Variants in ARAP1 observed in about 807,000 individuals in gnomAD.
The protein encoded by ARAP1 is arf-GAP with Rho-GAP domain, ANK repeat and PH domain-containing protein 1.
In ARAP1, 76 loss-of-function variants were observed where a neutral mutation model predicts 172.2. The observed-to-expected ratio is 0.44, with a 90% CI of 0.37 to 0.53. ARAP1 has a LOEUF of 0.53. ARAP1 is among the 20% of genes least tolerant of loss of function. The probability of loss-of-function intolerance (pLI) is 0.00; values close to 1 mark genes in which losing one functional copy is unlikely to be tolerated. For synonymous variants in ARAP1, 804 were observed against 803.3 expected (o/e 1.00, Z -0.01); for missense variants, 1,686 against 1,977.5 (o/e 0.85, Z 2.80).
At chr11:72,748,381 A>G (rs1035567576) in intron 1 of ARAP1, among the ~76,000 whole-genome samples, 5 of 151,964 alleles carry the variant, frequency 3.3e-5, no homozygotes, top group Non-Finnish European at 7.4e-5. Context: ...TTAGCTGGGT[A>G]TGGTGGCGCG....
chr11:72,702,482 C>A (rs1411524160), intron 15 of ARAP1, among the ~76,000 whole-genome samples: 1 of 152,206 alleles, frequency 6.6e-6, no homozygotes, highest in Non-Finnish European at 1.5e-5. Flanking sequence ...TCCACCCAAG[C>A]AGGGCAGTAG....
chr11:72,696,849 A>T, intron 22 of ARAP1, 134 bp downstream of exon 22: 1 of 1,052,970 alleles, frequency 9.5e-7, no homozygotes, highest in Non-Finnish European at 1.3e-6. Context: ...CGGCGATGGG[A>T]ATGAGAAGCA....
Position 72,687,451 on chromosome 11 carries a change from A to T in ARAP1, c.4173T>A (p.Phe1391Leu), listed in dbSNP as rs1029186021. Residue 1391 changes from phenylalanine to leucine, a missense_variant, in exon 33 of 35, where the codon TTT becomes TTA. Physicochemically the swap from Phe to Leu is conservative, Grantham distance 22. Transcript: ENST00000393609. ...QMELREWFAT[F>L]LFVQHDGLVW... ...CTGCACCTGGTACCTGCACAAACAGAAAGGTAGCGAACCACTCCCGGAGCT... is the reference window on the plus strand; with the variant it reads ...CTGCACCTGGTACCTGCACAAACAGTAAGGTAGCGAACCACTCCCGGAGCT... 6.2e-6 allele frequency: 10 copies of T among 1,614,056 alleles called. No individual in the cohort carries two copies. The African/African-American group carries it at 9.3e-5, about 15-fold the overall frequency.
chr11:72,740,026 G>T (rs1858154046), intron 1 of ARAP1, among the ~76,000 whole-genome samples: 1 of 152,218 alleles, frequency 6.6e-6, no homozygotes, highest in African/African-American at 2.4e-5. Flanking sequence ...AGGGGGAGAA[G>T]AGCTGTCTCC....
At chr11:72,737,543 C>T (rs1858069447) in intron 1 of ARAP1, among the ~76,000 whole-genome samples, 1 of 152,176 alleles carries the variant, frequency 6.6e-6, no homozygotes, top group South Asian at 2.1e-4. Flanking sequence ...CAGGCACCCT[C>T]CAGCTTCCTT....
intron 34 of ARAP1, 163 bp downstream of exon 34, chr11:72,685,879 G>C: frequency 7.1e-7 from 1 of 1,403,990 alleles, no homozygotes; most frequent in East Asian, 2.3e-5. Flanking sequence ...TCCTTTGAAT[G>C]GTGTGAACCA....
chr11:72,722,260 G>C, intron 3 of ARAP1: 7 of 985,596 alleles, frequency 7.1e-6, no homozygotes, highest in Non-Finnish European at 8.4e-6. Flanking sequence ...TCTGCACCCA[G>C]CTCTGGTCTC....
At position 72,733,760 on chromosome 11, in the gene ARAP1, A is replaced by G. The variant is rs566940160; in HGVS notation, c.-127-1163T>C. Among the ~76,000 whole-genome samples, 7 of 152,252 alleles carry G rather than the reference A, an allele frequency of 4.6e-5. No homozygotes were observed. In the South Asian group the frequency reaches 8.3e-4, roughly 18 times the overall value. Reference sequence around the variant, plus strand: ...ACATAAACAGGTATTTATCTTAAGCAAACTCCATGATTATCACTGCCTAGG... The same window carrying G: ...ACATAAACAGGTATTTATCTTAAGCGAACTCCATGATTATCACTGCCTAGG... On this transcript the variant is annotated intron_variant, in intron 1 of 34. Transcript: ENST00000393609.
intron 2 of ARAP1, among the ~76,000 whole-genome samples, chr11:72,731,703 C>T (rs1267139150): frequency 3.3e-5 from 5 of 152,234 alleles, no homozygotes; most frequent in African/African-American, 1.2e-4. Flanking sequence ...CACATGCACA[C>T]ACTGTTCAGG....
intron 3 of ARAP1, chr11:72,722,216 ACT>A: frequency 1.0e-6 from 1 of 984,338 alleles, no homozygotes; most frequent in South Asian, 4.7e-5. Context: ...AGTGTGTGTG[ACT>A]CTGTGTGTCT....
chr11:72,697,368 T>C lies in ARAP1; in HGVS notation c.2908A>G (p.Ile970Val). The change falls in exon 21 of 35, where the codon ATC becomes GTC. Residue 970 changes from isoleucine to valine, a missense_variant. Ile to Val is a conservative substitution (Grantham distance 29, BLOSUM62 3). Coordinates refer to ENST00000393609, the MANE Select transcript of ARAP1 (RefSeq NM_001040118.3). ...LSEQQLGDSD[I>V]PVIVYRCVDY... Reference sequence around the variant, plus strand: ...ACACAGCGGTACACGATCACCGGGATATCCGAGTCCCCAAGCTGCTGCTCC... The same window carrying C: ...ACACAGCGGTACACGATCACCGGGACATCCGAGTCCCCAAGCTGCTGCTCC... 6.2e-7 allele frequency: 1 copy of C among 1,606,438 alleles called. No individual in the cohort carries two copies. The highest frequency in any genetic ancestry group is 8.5e-7 in the Non-Finnish European group (1 of 1,176,732).
chr11:72,712,092 T>C (rs2135542867), intron 7 of ARAP1, 104 bp downstream of exon 7: 1 of 1,430,104 alleles, frequency 7.0e-7, no homozygotes, highest in Non-Finnish European at 9.2e-7. Flanking sequence ...TCGCAGGCCC[T>C]TCTGGTTTTC....
chr11:72,714,658 G>A (rs1857197289), intron 3 of ARAP1, among the ~76,000 whole-genome samples: 1 of 152,168 alleles, frequency 6.6e-6, no homozygotes, highest in Non-Finnish European at 1.5e-5. Context: ...TCGTGGAGAA[G>A]GTGATGCTTG....
In ARAP1 at chr11:72,725,409, G is replaced by A. The variant is rs1369973873; in HGVS notation, c.509+1211C>T. ...GAAGAATGGTCACTAGAGGGCGCAA[G>A]GGCACCAGGAACCTTCAATCTGAGC... On this transcript the variant is annotated intron_variant, in intron 3 of 34. Coordinates refer to ENST00000393609, the MANE Select transcript of ARAP1 (RefSeq NM_001040118.3). The surrounding 1 kb of genome is among the most constrained non-coding windows in gnomAD (Gnocchi z 4.3). Among the ~76,000 whole-genome samples, 1 of 152,046 alleles carries A rather than the reference G, an allele frequency of 6.6e-6. No homozygotes were observed. The highest frequency in any genetic ancestry group is 1.5e-5 in the Non-Finnish European group (1 of 68,004).
In ARAP1 at chr11:72,712,117, T is replaced by C. The variant is rs575903487; in HGVS notation, c.1022+79A>G. On this transcript the variant is annotated intron_variant, in intron 7 of 34. Transcript: ENST00000393609. ...TTCTGGTTTTCAGATCAGTGAGTGA[T>C]ACCAGTGTCCTGGGGTCCTGGACAC... 6 of 1,472,484 alleles carry C rather than the reference T, an allele frequency of 4.1e-6. No individual in the cohort carries two copies. In the East Asian group the frequency reaches 7.2e-5, roughly 18 times the overall value. 91.2% of individuals were successfully genotyped at this position (1,472,484 alleles called of 1,614,324 possible). A position where few individuals can be genotyped will look rare whatever the true frequency, so the allele number is the denominator to read the frequency against.
intron 3 of ARAP1, among the ~76,000 whole-genome samples, chr11:72,716,765 G>T (rs1329198009): frequency 6.6e-6 from 1 of 152,214 alleles, no homozygotes; most frequent in African/African-American, 2.4e-5. Flanking sequence ...AATGGCTCCT[G>T]GACAGCTGCA....
intron 30 of ARAP1, 197 bp from the exon 31 acceptor site, chr11:72,688,734 C>T: frequency 1.8e-6 from 1 of 565,558 alleles, no homozygotes; most frequent in Non-Finnish European, 3.2e-6. Context: ...GCCCTAGGCC[C>T]CCAAGGCCTG....
intron 3 of ARAP1, chr11:72,722,480 A>G: frequency 2.1e-6 from 1 of 478,168 alleles, no homozygotes; most frequent in South Asian, 8.8e-5. Flanking sequence ...GTGGATGCCC[A>G]GGAAGTCCTG....
chr11:72,746,485 T>C (rs1015405156), intron 1 of ARAP1, among the ~76,000 whole-genome samples: 4 of 152,202 alleles, frequency 2.6e-5, no homozygotes, highest in African/African-American at 9.7e-5. Context: ...CCAGCCCAAC[T>C]CGAGGCTTTT....
Sources: gnomAD v4.1 joint callset for allele counts (sites outside exome capture counted in the v4.1 genomes callset) on GRCh38, gnomAD v4.1.1 for gene constraint, Gnocchi (gnomAD v3.1) non-coding constraint, MANE v1.5 for transcripts, NCBI Gene and HGNC (gene_info 2026-07-23, HGNC 2026-07-21) for gene names.